Variants in KRAS observed in about 807,000 individuals in gnomAD.
KRAS encodes GTPase KRas.
A neutral mutation model predicts 21.0 loss-of-function variants in KRAS; 1 was observed. The observed-to-expected ratio is 0.05, with a 90% CI of 0.02 to 0.23. The LOEUF (loss-of-function observed/expected upper bound fraction) is 0.23. Ranked by LOEUF, KRAS falls within the 10% of genes least tolerant of loss-of-function variation. The pLI is 1.00. For missense variants in KRAS, 107 were observed against 221.8 expected (o/e 0.48, Z 3.29); for synonymous variants, 67 against 72.5 (o/e 0.92, Z 0.39).
intron 1 of KRAS, among the ~76,000 whole-genome samples, chr12:25,245,669 T>G (rs1345765230): frequency 2.6e-5 from 4 of 152,166 alleles, no homozygotes; most frequent in Non-Finnish European, 5.9e-5. Flanking sequence ...AAAATCAAGT[T>G]GTTCTATCTA....
In KRAS at chr12:25,250,444, C is replaced by T. The variant is rs553765190; in HGVS notation, c.-12+307G>A. Reference sequence around the variant, plus strand: ...GGCCCGAGTTTCTCCCCAGAAGCCTCCAGCCGCGGCTCTCGGGGAGGAGGA... The same window carrying T: ...GGCCCGAGTTTCTCCCCAGAAGCCTTCAGCCGCGGCTCTCGGGGAGGAGGA... On this transcript the variant is annotated intron_variant, in intron 1 of 4. Transcript: ENST00000311936. 2.8e-4 allele frequency among the ~76,000 whole-genome samples: 43 copies of T among 152,162 alleles called. No individual in the cohort carries two copies. In the South Asian group the frequency reaches 8.5e-3, roughly 30 times the overall value.
At chr12:25,225,185 G>A (rs538287773) in intron 4 of KRAS, 2 of 151,366 alleles carry the variant, frequency 1.3e-5, no homozygotes, top group Admixed American at 6.6e-5. Flanking sequence ...TTCTGCCAAA[G>A]TAAAATTCTT....
chr12:25,209,991 A>G, intron 4 of KRAS, 80 bp from the exon 5 acceptor site: 1 of 1,017,710 alleles, frequency 9.8e-7, no homozygotes, highest in Non-Finnish European at 1.5e-6. Flanking sequence ...ATTAATGGAA[A>G]AAATATTAAG....
chr12:25,231,650 T>C (rs1339742025), intron 2 of KRAS, among the ~76,000 whole-genome samples: 1 of 152,084 alleles, frequency 6.6e-6, no homozygotes, highest in Non-Finnish European at 1.5e-5. Flanking sequence ...AAAATATCGA[T>C]AGCAAAGTTC....
intron 4 of KRAS, among the ~76,000 whole-genome samples, chr12:25,224,005 T>G: frequency 6.6e-6 from 1 of 151,924 alleles, no homozygotes; most frequent in East Asian, 1.9e-4. Context: ...CCCATAAGAT[T>G]ATAATGGAGT....
At chr12:25,215,196 T>C in intron 4 of KRAS, 2 of 676,846 alleles carry the variant, frequency 3.0e-6, no homozygotes, top group Non-Finnish European at 3.6e-6. Flanking sequence ...TTAAGACTCA[T>C]TAAATCATTA....
intron 2 of KRAS, among the ~76,000 whole-genome samples, chr12:25,241,029 T>G (rs1951603463): frequency 6.6e-6 from 1 of 152,126 alleles, no homozygotes; most frequent in Admixed American, 6.5e-5. Context: ...AGCTCCTGAG[T>G]GCATGCAAAG....
Position 25,208,374 on chromosome 12 carries a change from GTTTTTA to G in KRAS, c.*1415_*1420del, listed in dbSNP as rs1186072800. The G allele has an allele frequency of 1.7e-5, 4 of 232,640 alleles. No homozygotes were observed. Among genetic ancestry groups the G allele is most frequent in the African/African-American group, 8.9e-5 (4 of 45,176 alleles). The allele number at this position is 232,640 out of a possible 1,614,324, so 14.4% of individuals were successfully genotyped here. A position where few individuals can be genotyped will look rare whatever the true frequency, so the allele number is the denominator to read the frequency against. ...ACATTTTAAATTTATCAAAAGGATT[GTTTTTA>G]TTTTTATTTTAAAGCATTATTAAAT... On this transcript the variant is annotated 3_prime_UTR_variant, in exon 5 of 5. Transcript: ENST00000311936.
intron 4 of KRAS, chr12:25,215,408 C>G (rs547244164): frequency 6.2e-7 from 1 of 1,612,282 alleles, no homozygotes; most frequent in South Asian, 1.1e-5. Context: ...TGCTTTCTGC[C>G]AAAATTAATG....
Position 25,225,464 on chromosome 12 carries a change from A to C in KRAS, c.450+150T>G, listed in dbSNP as rs1056535890. On this transcript the variant is annotated intron_variant, in intron 4 of 4. Coordinates refer to ENST00000311936, the MANE Select transcript of KRAS (RefSeq NM_004985.5). Reference sequence around the variant, plus strand: ...GCAGTACCATGGACACTGGATTAAGAAGCAATGCCCTCTCAAGAGACAAAA... The same window carrying C: ...GCAGTACCATGGACACTGGATTAAGCAGCAATGCCCTCTCAAGAGACAAAA... The C allele has an allele frequency of 6.5e-6, 5 of 764,348 alleles. No individual in the cohort carries two copies. The African/African-American group carries it at 7.0e-5, about 11-fold the overall frequency. 47.3% of individuals were successfully genotyped at this position (764,348 alleles called of 1,614,324 possible).
intron 4 of KRAS, among the ~76,000 whole-genome samples, chr12:25,220,896 G>A (rs1399307951): frequency 6.6e-6 from 1 of 151,612 alleles, no homozygotes; most frequent in East Asian, 1.9e-4. Flanking sequence ...GTGGTGGTGC[G>A]TGCCTGTAGT....
intron 1 of KRAS, among the ~76,000 whole-genome samples, chr12:25,250,205 G>C (rs985422205): frequency 5.3e-5 from 8 of 152,174 alleles, no homozygotes; most frequent in African/African-American, 1.9e-4. Flanking sequence ...CCCTACACAC[G>C]GAAAAGGACC....
intron 1 of KRAS, among the ~76,000 whole-genome samples, chr12:25,247,574 A>T (rs765890690): frequency 4.6e-5 from 7 of 152,178 alleles, no homozygotes; most frequent in Non-Finnish European, 7.4e-5. Flanking sequence ...CTCTCTGCCT[A>T]CCCCAACCTC....
intron 2 of KRAS, 69 bp downstream of exon 2, chr12:25,245,205 C>G: frequency 6.7e-7 from 1 of 1,494,104 alleles, no homozygotes; most frequent in Non-Finnish European, 9.1e-7. Context: ...TGAAAATGGT[C>G]AGAGAAACCT....
intron 2 of KRAS, among the ~76,000 whole-genome samples, chr12:25,232,791 A>AAATG (rs1233180959): frequency 6.6e-6 from 1 of 152,198 alleles, no homozygotes; most frequent in Admixed American, 6.5e-5. Context: ...AAATTTTTCT[A>AAATG]AATGAAATGT....
chr12:25,229,888 C>T (rs1011716734), intron 2 of KRAS, among the ~76,000 whole-genome samples: 4 of 151,944 alleles, frequency 2.6e-5, no homozygotes, highest in Admixed American at 2.6e-4. Context: ...CCTGCCTCAG[C>T]CTCTTGAGTA....
In KRAS at chr12:25,209,425, G is replaced by C. The variant is rs886049196; in HGVS notation, c.*370C>G. 2.0e-6 allele frequency: 2 copies of C among 1,009,220 alleles called. No individual in the cohort carries two copies. Among genetic ancestry groups the C allele is most frequent in the East Asian group, 5.8e-5 (2 of 34,246 alleles). 62.5% of individuals were successfully genotyped at this position (1,009,220 alleles called of 1,614,324 possible). Reference sequence around the variant, plus strand: ...AGTAATTAATCCATTTATGTGACTAGATAAAACACAGAATAGGGATGATTC... The same window carrying C: ...AGTAATTAATCCATTTATGTGACTACATAAAACACAGAATAGGGATGATTC... On this transcript the variant is annotated 3_prime_UTR_variant, in exon 5 of 5. Coordinates refer to ENST00000311936, the MANE Select transcript of KRAS (RefSeq NM_004985.5).
intron 2 of KRAS, among the ~76,000 whole-genome samples, chr12:25,236,791 T>C (rs1951549771): frequency 6.6e-6 from 1 of 152,074 alleles, no homozygotes; most frequent in Non-Finnish European, 1.5e-5. Context: ...GGTAAAATTG[T>C]TGGTAGGAAT....
chr12:25,207,208 G>A lies in KRAS; in HGVS notation c.*2587C>T, dbSNP rs976788342. ...CCATATACCCAGTGCCTTGTGTGGT[G>A]ACTGGCATCTGGTAGGCACTCAATA... On this transcript the variant is annotated 3_prime_UTR_variant, in exon 5 of 5. Transcript: ENST00000311936. The A allele has an allele frequency of 9.6e-6, 2 of 209,048 alleles. No individual in the cohort carries two copies. Among genetic ancestry groups the A allele is most frequent in the African/African-American group, 4.5e-5 (2 of 43,958 alleles). 12.9% of individuals were successfully genotyped at this position (209,048 alleles called of 1,614,324 possible). A position where few individuals can be genotyped will look rare whatever the true frequency, so the allele number is the denominator to read the frequency against.
Sources: gnomAD v4.1 joint callset for allele counts (sites outside exome capture counted in the v4.1 genomes callset) on GRCh38, gnomAD v4.1.1 for gene constraint, MANE v1.5 for transcripts, NCBI Gene and HGNC (gene_info 2026-07-23, HGNC 2026-07-21) for gene names.